Variants in ROBO2 observed in about 807,000 individuals in gnomAD.
ROBO2 encodes roundabout guidance receptor 2.
A neutral mutation model predicts 160.8 loss-of-function variants in ROBO2; 53 were observed. The ratio of observed to expected loss-of-function variants is 0.33; its 90% CI spans 0.26 to 0.41. ROBO2 has a LOEUF of 0.41. Among genes scored for constraint, ROBO2 ranks in the 10% least tolerant of loss-of-function variants. The pLI is 1.00. For synonymous variants in ROBO2, 664 were observed against 611.7 expected (o/e 1.09, Z -1.26); for missense variants, 1,577 against 1,722.4 (o/e 0.92, Z 1.49).
At chr3:76,480,030 AAGG>A (rs960402669) in intron 2 of ROBO2, among the ~76,000 whole-genome samples, 2 of 56,876 alleles carry the variant, frequency 3.5e-5, no homozygotes, top group African/African-American at 9.0e-5. Flanking sequence ...TAAATAGAAA[AAGG>A]AGGAAGAAGG....
intron 14 of ROBO2, among the ~76,000 whole-genome samples, chr3:77,576,401 T>TGTAA (rs1369725388): frequency 6.6e-6 from 1 of 152,144 alleles, no homozygotes; most frequent in Non-Finnish European, 1.5e-5. Context: ...TGTAGAGCTA[T>TGTAA]GTAAGCATTG....
intron 2 of ROBO2, among the ~76,000 whole-genome samples, chr3:76,368,209 T>C (rs2075927450): frequency 6.6e-6 from 1 of 151,982 alleles, no homozygotes; most frequent in Admixed American, 6.6e-5. Context: ...GTTTACAACA[T>C]GTATATTTAA....
At chr3:77,493,362 T>C (rs921696282) in exon 5 of ROBO2, 2 of 1,613,986 alleles carry the variant, frequency 1.2e-6, no homozygotes, top group African/African-American at 1.3e-5. Context: ...AAAAGGATGA[T>C]GCAGACTTGC....
rs193064000 is a variant in ROBO2 at position 76,057,234 on chromosome 3, T to C, written c.109+119632T>C. Among the ~76,000 whole-genome samples, 173 of 152,284 alleles carry C rather than the reference T, an allele frequency of 1.1e-3. 1 individual carries two copies. The Middle Eastern group carries it at 0.017, about 15-fold the overall frequency. On this transcript the variant is annotated intron_variant, in intron 2 of 26. Coordinates refer to the ROBO2 transcript ENST00000487694. The stretch of plus-strand genomic sequence containing the variant: ...AATATGTGCCACCCACAGCCTGCAG[T>C]GCCTGGGACATTGCTGGAGTTCCTT...
intron 2 of ROBO2, among the ~76,000 whole-genome samples, chr3:76,926,379 C>G (rs924058935): frequency 4.6e-5 from 7 of 152,294 alleles, no homozygotes; most frequent in African/African-American, 1.7e-4. Flanking sequence ...CAGGGTCTTT[C>G]ACTGGAAGGA....
chr3:77,484,667 T>C (rs2085130949), intron 4 of ROBO2, among the ~76,000 whole-genome samples: 1 of 152,038 alleles, frequency 6.6e-6, no homozygotes, highest in Non-Finnish European at 1.5e-5. Flanking sequence ...TTTGACTTCC[T>C]ATTATAGAAG....
chr3:75,945,726 G>C (rs1310082761), intron 2 of ROBO2, among the ~76,000 whole-genome samples: 1 of 152,018 alleles, frequency 6.6e-6, no homozygotes, highest in Non-Finnish European at 1.5e-5. Flanking sequence ...TTCTAGAATA[G>C]TTAGCCAATG....
Position 77,562,738 on chromosome 3 carries a change from G to A in ROBO2, c.1519+6G>A, listed in dbSNP as rs2093361742. On this transcript the variant is annotated splice_donor_region_variant and intron_variant, in intron 10 of 25. Transcript: ENST00000461745. ...TGCAGTGCTGGATGTGACAGGTGAG[G>A]ACTTTGTGAATTAGGAGAAATCTTG... is the stretch of plus-strand genomic sequence containing the variant. 3.1e-6 allele frequency: 5 copies of A among 1,606,784 alleles called. No homozygotes were observed. The highest frequency in any genetic ancestry group is 2.7e-5 in the African/African-American group (2 of 74,774).
At chr3:76,285,325 A>T (rs1408848498) in intron 2 of ROBO2, among the ~76,000 whole-genome samples, 1 of 152,242 alleles carries the variant, frequency 6.6e-6, no homozygotes, top group East Asian at 1.9e-4. Flanking sequence ...GCTTAAGTGC[A>T]TCAACTCAGT....
chr3:77,477,903 C>T (rs562911694), intron 3 of ROBO2, among the ~76,000 whole-genome samples: 41 of 148,264 alleles, frequency 2.8e-4, no homozygotes, highest in Admixed American at 1.8e-3. Flanking sequence ...TCCTGCTCAC[C>T]GCAACCTCTG....
At chr3:77,132,842 G>C (rs555290980) in intron 2 of ROBO2, among the ~76,000 whole-genome samples, 1 of 152,094 alleles carries the variant, frequency 6.6e-6, no homozygotes, top group South Asian at 2.1e-4. Flanking sequence ...ATATTTTTGA[G>C]TTTAATTCAA....
At chr3:76,464,523 C>T (rs1413249035) in intron 2 of ROBO2, among the ~76,000 whole-genome samples, 2 of 151,936 alleles carry the variant, frequency 1.3e-5, no homozygotes, top group South Asian at 4.2e-4. Context: ...CTCAATAAAA[C>T]CCCAGAGTCA....
rs372175148 is a variant in ROBO2, at chr3:77,596,688, C to T, written c.2792C>T (p.Thr931Met). ...TGGCTTGCTGATTCTTGGCCAGCCA[C>T]GAGCTTGCCAGTAAATAATAGCAAC... The change falls in exon 19 of 26, where the codon ACG becomes ATG. Residue 931 changes from threonine to methionine, a missense_variant. Around this residue, in one of 2 missense-constraint regions of ROBO2, gnomAD observed 637 missense variants for 586.9 expected, o/e 1.09. Transcript: ENST00000461745. 8.9e-5 allele frequency: 144 copies of T among 1,613,700 alleles called. No individual in the cohort carries two copies. Among genetic ancestry groups the T allele is most frequent in the Non-Finnish European group, 1.1e-4 (131 of 1,179,852 alleles).
chr3:77,605,641 G>T (rs893305581), intron 20 of ROBO2, among the ~76,000 whole-genome samples: 3 of 152,110 alleles, frequency 2.0e-5, no homozygotes, highest in Admixed American at 2.0e-4. Context: ...TTTGGACAAT[G>T]ACTTCAACAG....
intron 2 of ROBO2, among the ~76,000 whole-genome samples, chr3:76,605,239 A>G (rs1199526326): frequency 6.6e-6 from 1 of 152,162 alleles, no homozygotes; most frequent in African/African-American, 2.4e-5. Flanking sequence ...TATCCTCTTC[A>G]ATATTTTTAT....
At chr3:76,438,712 G>A (rs547854654) in intron 2 of ROBO2, among the ~76,000 whole-genome samples, 117 of 151,918 alleles carry the variant, frequency 7.7e-4, no homozygotes, top group African/African-American at 2.7e-3. Context: ...AGGAATAATT[G>A]GATGTAAATT....
chr3:75,990,139 A>G (rs2065526130), intron 2 of ROBO2, among the ~76,000 whole-genome samples: 1 of 152,192 alleles, frequency 6.6e-6, no homozygotes, highest in African/African-American at 2.4e-5. Context: ...ATATATCTCA[A>G]TTGTATTTAT....
At chr3:76,160,823 A>G (rs1425024134) in intron 2 of ROBO2, among the ~76,000 whole-genome samples, 1 of 152,210 alleles carries the variant, frequency 6.6e-6, no homozygotes, top group East Asian at 1.9e-4. Flanking sequence ...GTAGCAAAAA[A>G]ACCCATGAAA....
intron 2 of ROBO2, among the ~76,000 whole-genome samples, chr3:77,226,545 C>T (rs2086522387): frequency 6.6e-6 from 1 of 152,026 alleles, no homozygotes; most frequent in Non-Finnish European, 1.5e-5. Context: ...ATCTTGAACA[C>T]CTACTATTTT....
Sources: gnomAD v4.1 joint callset for allele counts (sites outside exome capture counted in the v4.1 genomes callset) on GRCh38, gnomAD v4.1.1 for gene constraint, gnomAD v4.1.1 regional missense constraint, MANE v1.5 for transcripts, NCBI Gene and HGNC (gene_info 2026-07-23, HGNC 2026-07-21) for gene names.